The following UGGT2 variants were observed in gnomAD, a reference collection of about 807,000 sequenced individuals.
UGGT2 encodes the protein UDP-glucose:glycoprotein glucosyltransferase 2.
UGGT2 carries 180 observed loss-of-function variants against 192.1 expected under a neutral mutation model. The observed-to-expected ratio is 0.94, with a 90% CI of 0.83 to 1.06. The LOEUF (loss-of-function observed/expected upper bound fraction) is 1.06, where lower values mean the gene tolerates loss of function less well. UGGT2 is among the 50% of genes least tolerant of loss of function. The pLI is 0.00. For missense variants in UGGT2, 1,849 were observed against 1,795.7 expected, an observed-to-expected ratio of 1.03 and a Z score of -0.54; for synonymous variants, 580 against 591.0, an observed-to-expected ratio of 0.98 and a Z score of 0.27.
intron 31 of UGGT2, chr13:95,863,406 G>T (rs1890340693): frequency 7.7e-6 from 3 of 387,432 alleles, no homozygotes; most frequent in Non-Finnish European, 1.4e-5. Flanking sequence ...CTTGTAAGTG[G>T]ATATATAATT....
At chr13:96,052,483 A>AAG (rs1318326828) in intron 1 of UGGT2, among the ~76,000 whole-genome samples, 1 of 152,094 alleles carries the variant, frequency 6.6e-6, no homozygotes, top group Admixed American at 6.5e-5. Flanking sequence ...AAAAAAAAAA[A>AAG]GAACTTTTAG....
intron 5 of UGGT2, among the ~76,000 whole-genome samples, chr13:96,005,445 T>C (rs762868676): frequency 2.6e-5 from 4 of 152,132 alleles, no homozygotes; most frequent in African/African-American, 4.8e-5. Context: ...ACTCTAATGG[T>C]GACAGGTAGA....
chr13:95,849,940 T>C (rs1888868856), intron 36 of UGGT2, among the ~76,000 whole-genome samples: 1 of 149,660 alleles, frequency 6.7e-6, no homozygotes, highest in South Asian at 2.1e-4. Flanking sequence ...TTTTTTTTGG[T>C]CATTTTTTTG....
intron 1 of UGGT2, among the ~76,000 whole-genome samples, chr13:96,033,497 G>A (rs1017871338): frequency 2.6e-5 from 4 of 152,040 alleles, no homozygotes; most frequent in Admixed American, 6.6e-5. Flanking sequence ...CTGAGTTGGC[G>A]GGGTGGGAGC....
At chr13:95,995,776 A>G in intron 7 of UGGT2, 2 of 379,566 alleles carry the variant, frequency 5.3e-6, no homozygotes, top group Non-Finnish European at 9.5e-6. Flanking sequence ...GATGCTATAA[A>G]AATATTCACA....
intron 38 of UGGT2, among the ~76,000 whole-genome samples, chr13:95,820,954 A>G (rs1167344811): frequency 6.6e-6 from 1 of 152,072 alleles, no homozygotes; most frequent in African/African-American, 2.4e-5. Flanking sequence ...CATTCCTTTT[A>G]GTCCAGGGGA....
chr13:95,853,126 C>T (rs1252525010), intron 36 of UGGT2, among the ~76,000 whole-genome samples: 1 of 152,160 alleles, frequency 6.6e-6, no homozygotes, highest in Non-Finnish European at 1.5e-5. Flanking sequence ...CTCCTGCCAC[C>T]ATGTGAAGAT....
In UGGT2 at chr13:95,947,121, A is replaced by G. The variant is rs1193369269; in HGVS notation, c.1593T>C (p.Asn531=). The G allele has an allele frequency of 6.2e-7, 1 of 1,611,196 alleles. No homozygotes were observed. The highest frequency in any genetic ancestry group is 8.5e-7 in the Non-Finnish European group (1 of 1,179,220). ...LNTDDEVDGA[N]DAGVALWRAF... ...CTCGCCAGAGAGCAACTCCAGCATC[A>G]TTTGCTCCATCAACTTCATCATCTG... The change falls in exon 15 of 39, where the codon AAT becomes AAC. Residue 531 remains asparagine (N), a synonymous_variant. Transcript: ENST00000376747.
chr13:95,947,156 T>G lies in UGGT2; in HGVS notation c.1558A>C (p.Ile520Leu). ...TCAACTTCATCATCTGTATTAAGAA[T>G]GAACACAAAACCAATTCTGGAAAAA... is the stretch of plus-strand genomic sequence containing the variant. ...EVPLRIGFVF[I>L]LNTDDEVDGA... Residue 520 changes from isoleucine (I) to leucine (L), a missense_variant, in exon 15 of 39, where the codon ATT becomes CTT. By Grantham distance (5) the Ile-to-Leu change is conservative. Coordinates refer to ENST00000376747, the MANE Select transcript of UGGT2 (RefSeq NM_020121.4). The G allele has an allele frequency of 1.9e-6, 3 of 1,600,830 alleles. No homozygotes were observed. The South Asian group carries it at 3.4e-5, about 18-fold the overall frequency.
In UGGT2 at chr13:96,053,379, C is replaced by G. The variant is rs1352999209; in HGVS notation, c.-67G>C. ...ACAGTCTGTGGCCGCCACGCTTCGG[C>G]CGGCTCTTCCCGCTGCGCGGCTGCC... On this transcript the variant is annotated 5_prime_UTR_variant, in exon 1 of 39. Coordinates refer to ENST00000376747, the MANE Select transcript of UGGT2 (RefSeq NM_020121.4). 5 of 1,520,722 alleles carry G rather than the reference C, an allele frequency of 3.3e-6. No individual in the cohort carries two copies. The Admixed American group carries it at 1.0e-4, about 32-fold the overall frequency. 94.2% of individuals were successfully genotyped at this position (1,520,722 alleles called of 1,614,324 possible).
chr13:95,829,520 C>A (rs553338729), intron 38 of UGGT2, among the ~76,000 whole-genome samples: 5 of 152,092 alleles, frequency 3.3e-5, no homozygotes, highest in Admixed American at 2.0e-4. Flanking sequence ...TTCCTATACA[C>A]CATTAACAGA....
chr13:95,861,876 C>T (rs138176630), intron 31 of UGGT2, among the ~76,000 whole-genome samples: 5 of 151,042 alleles, frequency 3.3e-5, no homozygotes, highest in African/African-American at 1.2e-4. Context: ...ATAAGACACA[C>T]AACACTACGT....
At chr13:95,807,554 T>C in intron 38 of UGGT2, among the ~76,000 whole-genome samples, 1 of 152,230 alleles carries the variant, frequency 6.6e-6, no homozygotes, top group African/African-American at 2.4e-5. Context: ...TAATGTCAAT[T>C]TGTTTTCCGG....
intron 17 of UGGT2, among the ~76,000 whole-genome samples, chr13:95,930,331 A>C (rs532476029): frequency 1.8e-3 from 270 of 152,272 alleles, no homozygotes; most frequent in African/African-American, 6.2e-3. Context: ...TTAGCCATAA[A>C]TTCTTTCCCA....
intron 10 of UGGT2, among the ~76,000 whole-genome samples, chr13:95,981,973 GGAA>G (rs1473274701): frequency 6.6e-6 from 1 of 152,164 alleles, no homozygotes; most frequent in African/African-American, 2.4e-5. Context: ...AGTGTTCTCT[GGAA>G]GTAGTAGGTG....
At chr13:95,910,261 T>C (rs974140825) in intron 20 of UGGT2, among the ~76,000 whole-genome samples, 4 of 152,164 alleles carry the variant, frequency 2.6e-5, no homozygotes, top group African/African-American at 7.2e-5. Flanking sequence ...GAAATTTAAA[T>C]GGGCTAAAAG....
intron 23 of UGGT2, among the ~76,000 whole-genome samples, chr13:95,894,963 A>G (rs1390469046): frequency 6.6e-6 from 1 of 152,144 alleles, no homozygotes; most frequent in African/African-American, 2.4e-5. Flanking sequence ...GGTAAGAAAC[A>G]AGGAGAAAGA....
At chr13:96,029,301 T>A (rs747310568) in intron 2 of UGGT2, among the ~76,000 whole-genome samples, 13 of 152,222 alleles carry the variant, frequency 8.5e-5, no homozygotes, top group Admixed American at 4.6e-4. Flanking sequence ...TTATTTATTT[T>A]TTTGAGTCAG....
chr13:95,942,449 C>T (rs960307485), intron 15 of UGGT2, among the ~76,000 whole-genome samples: 1 of 151,952 alleles, frequency 6.6e-6, no homozygotes, highest in Non-Finnish European at 1.5e-5. Context: ...TTAATTCCTG[C>T]CAAATTACAG....
Sources: gnomAD v4.1 joint callset for allele counts (sites outside exome capture counted in the v4.1 genomes callset) on GRCh38, gnomAD v4.1.1 for gene constraint, MANE v1.5 for transcripts, NCBI Gene and HGNC (gene_info 2026-07-23, HGNC 2026-07-21) for gene names.